Variants in SLC6A4 observed in about 807,000 individuals in gnomAD.
SLC6A4 encodes sodium-dependent serotonin transporter.
Under a neutral mutation model 73.4 loss-of-function variants are expected in SLC6A4, and 22 were observed. The observed-to-expected ratio is 0.30, with a 90% CI of 0.21 to 0.43. The LOEUF is 0.43. Ranked by LOEUF, SLC6A4 falls within the 20% of genes least tolerant of loss-of-function variation. The pLI is 1.00. For missense variants in SLC6A4, 593 were observed against 808.5 expected (o/e 0.73, Z 3.23); for synonymous variants, 270 against 315.5 (o/e 0.86, Z 1.53).
At position 30,229,499 on chromosome 17, in the gene SLC6A4, A is replaced by C. The variant is rs1907022471; in HGVS notation, c.-221+6114T>G. ...AACTAAATTTAAGGAAAGAAGAACA[A>C]GGAGCAGGGAGATCCTTGTACAGAT... On this transcript the variant is annotated intron_variant, in intron 1 of 14. Transcript: ENST00000650711. Among the ~76,000 whole-genome samples the C allele has an allele frequency of 1.3e-5, 2 of 152,140 alleles. 1 individual carries two copies. The highest frequency in any genetic ancestry group is 4.1e-4 in the South Asian group (2 of 4,820).
In SLC6A4 at chr17:30,235,481, C is replaced by T. The variant is rs1231299351; in HGVS notation, c.-221+132G>A. ...CGCAGGGGCAGGATCCGGCGCCCAC[C>T]GCTGGGGCGCATGCACCTCCTCGCC... On this transcript the variant is annotated intron_variant, in intron 1 of 14. Transcript: ENST00000650711. This position sits in a 1 kb window ranked among gnomAD's most constrained non-coding sequence, Gnocchi z 4.5. 6.6e-6 allele frequency: 1 copy of T among 152,256 alleles called. No individual in the cohort carries two copies. The highest frequency in any genetic ancestry group is 1.5e-5 in the Non-Finnish European group (1 of 68,072). The allele number at this position is 152,256 out of a possible 1,614,324, so 9.4% of individuals were successfully genotyped here. A position where few individuals can be genotyped will look rare whatever the true frequency, so the allele number is the denominator to read the frequency against.
Position 30,215,595 on chromosome 17 carries a change from G to A in SLC6A4, c.1076+16C>T, listed in dbSNP as rs754686519. On this transcript the variant is annotated intron_variant, in intron 8 of 14. Coordinates refer to ENST00000650711, the MANE Select transcript of SLC6A4 (RefSeq NM_001045.6). ...ACGCCACTTTCAAGCTTTGCTTGGG[G>A]ACCCCAGATACTCACTGGTAGCAGT... 29 of 1,599,728 alleles carry A rather than the reference G, an allele frequency of 1.8e-5. No individual in the cohort carries two copies. Among genetic ancestry groups the A allele is most frequent in the Non-Finnish European group, 2.3e-5 (27 of 1,166,930 alleles).
chr17:30,217,571 G>A (rs1337320403), intron 5 of SLC6A4, among the ~76,000 whole-genome samples: 2 of 152,170 alleles, frequency 1.3e-5, no homozygotes, highest in African/African-American at 4.8e-5. Flanking sequence ...GAACTCCTTT[G>A]ACCAATGTGA....
intron 8 of SLC6A4, among the ~76,000 whole-genome samples, chr17:30,213,834 C>A (rs1430811683): frequency 6.6e-6 from 1 of 152,092 alleles, no homozygotes; most frequent in Non-Finnish European, 1.5e-5. Context: ...GCAGCCTTAA[C>A]CTCCCGGGCT....
chr17:30,206,718 T>TTTTC (rs1906214674), intron 13 of SLC6A4, among the ~76,000 whole-genome samples: 1 of 136,370 alleles, frequency 7.3e-6, no homozygotes, highest in African/African-American at 2.8e-5. Context: ...TTTTCTTTTT[T>TTTTC]TTTTTTTTTT....
chr17:30,205,686 T>A (rs1471075548), intron 13 of SLC6A4, among the ~76,000 whole-genome samples: 3 of 152,200 alleles, frequency 2.0e-5, no homozygotes, highest in Admixed American at 2.0e-4. Flanking sequence ...ATGTGCTGCT[T>A]GGTGCAAACA....
chr17:30,195,274 T>A lies in SLC6A4; in HGVS notation c.*3182A>T, dbSNP rs1282576447. 1 of 152,460 alleles carries A rather than the reference T, an allele frequency of 6.6e-6. No homozygotes were observed. The highest frequency in any genetic ancestry group is 1.5e-5 in the Non-Finnish European group (1 of 68,254). The allele number at this position is 152,460 out of a possible 1,614,324, so 9.4% of individuals were successfully genotyped here. On this transcript the variant is annotated 3_prime_UTR_variant, in exon 15 of 15. Coordinates refer to ENST00000650711, the MANE Select transcript of SLC6A4 (RefSeq NM_001045.6). ...GAGGGTTTTTTTGTTTTTGTTTTTGTTTTTTAGATGGAGTCTTGCTCTGTC... is the reference window on the plus strand; with the variant it reads ...GAGGGTTTTTTTGTTTTTGTTTTTGATTTTTAGATGGAGTCTTGCTCTGTC...
chr17:30,221,602 C>A lies in SLC6A4; in HGVS notation c.343+14G>T. On this transcript the variant is annotated intron_variant, in intron 3 of 14. Coordinates refer to ENST00000650711, the MANE Select transcript of SLC6A4 (RefSeq NM_001045.6). ...CCTGGGTCACAGCCTCTACTCGCAGCCTGTGATACTGACCCCCTCCATTCT... is the reference window on the plus strand; with the variant it reads ...CCTGGGTCACAGCCTCTACTCGCAGACTGTGATACTGACCCCCTCCATTCT... 18 of 1,602,926 alleles carry A rather than the reference C, an allele frequency of 1.1e-5. No individual in the cohort carries two copies. Among genetic ancestry groups the A allele is most frequent in the Non-Finnish European group, 1.5e-5 (17 of 1,170,998 alleles).
intron 9 of SLC6A4, 141 bp downstream of exon 9, chr17:30,212,599 G>A: frequency 2.2e-6 from 2 of 888,950 alleles, no homozygotes; most frequent in Non-Finnish European, 3.5e-6. Flanking sequence ...GCCCAGGCTG[G>A]TCTTGAACTC....
chr17:30,223,888 G>C (rs189071835), intron 1 of SLC6A4, among the ~76,000 whole-genome samples: 3 of 152,164 alleles, frequency 2.0e-5, no homozygotes, highest in African/African-American at 7.2e-5. Context: ...AACTAGGCTT[G>C]ATAGGCTTTT....
At chr17:30,210,922 C>T (rs1329019959) in intron 10 of SLC6A4, among the ~76,000 whole-genome samples, 1 of 152,116 alleles carries the variant, frequency 6.6e-6, no homozygotes, top group Non-Finnish European at 1.5e-5. Flanking sequence ...TCCGTTTGCA[C>T]CAGAAAGGCC....
Position 30,218,107 on chromosome 17 carries a change from C to G in SLC6A4, c.698+11G>C. The G allele has an allele frequency of 6.2e-7, 1 of 1,611,638 alleles. No individual in the cohort carries two copies. Among genetic ancestry groups the G allele is most frequent in the Non-Finnish European group, 8.5e-7 (1 of 1,177,742 alleles). On this transcript the variant is annotated intron_variant, in intron 5 of 14. Coordinates refer to ENST00000650711, the MANE Select transcript of SLC6A4 (RefSeq NM_001045.6). Reference sequence around the variant, plus strand: ...CCCTAACAGGCCAACCCCTCACTTACGTGCACTTACGTGTAAAATTCTTCA... The same window carrying G: ...CCCTAACAGGCCAACCCCTCACTTAGGTGCACTTACGTGTAAAATTCTTCA...
At chr17:30,230,544 G>A (rs1355962502) in intron 1 of SLC6A4, among the ~76,000 whole-genome samples, 2 of 152,152 alleles carry the variant, frequency 1.3e-5, no homozygotes, top group Non-Finnish European at 2.9e-5. Context: ...GAGAAGAGAG[G>A]AAAAAACAAC....
At chr17:30,214,634 C>CTTTTTTTTTTTTTT (rs753290326) in intron 8 of SLC6A4, among the ~76,000 whole-genome samples, 6 of 132,358 alleles carry the variant, frequency 4.5e-5, no homozygotes, top group Admixed American at 1.5e-4. Flanking sequence ...TTCTTTCTTT[C>CTTTTTTTTTTTTTT]TTTTTTTTTT....
Position 30,203,233 on chromosome 17 carries a change from A to G in SLC6A4, c.1757T>C (p.Phe586Ser). The G allele has an allele frequency of 6.2e-7, 1 of 1,613,954 alleles. No individual in the cohort carries two copies. Among genetic ancestry groups the G allele is most frequent in the Non-Finnish European group, 8.5e-7 (1 of 1,179,804 alleles). The change falls in exon 14 of 15, where the codon TTC becomes TCC. Residue 586 changes from phenylalanine to serine, a missense_variant. Phe to Ser is a radical substitution (Grantham distance 155). Transcript: ENST00000650711. ...AGCTATATATGTGGGGATGCAAATGAAAGATGAGGTTCCTATGCAGTAACC... is the reference window on the plus strand; with the variant it reads ...AGCTATATATGTGGGGATGCAAATGGAAGATGAGGTTCCTATGCAGTAACC... ...ILGYCIGTSS[F>S]ICIPTYIAYR...
chr17:30,229,281 G>A (rs1907017221), intron 1 of SLC6A4, among the ~76,000 whole-genome samples: 1 of 152,142 alleles, frequency 6.6e-6, no homozygotes, highest in South Asian at 2.1e-4. Context: ...TCTGTGAGCT[G>A]GTGGTTTGGA....
chr17:30,203,206 T>C lies in SLC6A4; in HGVS notation c.1784A>G (p.Tyr595Cys). ...SFICIPTYIA[Y>C]RLIITPGTFK... ...TGTCCCTGGAGTGATGATCAACCGA[T>C]AAGCTATATATGTGGGGATGCAAAT... The change falls in exon 14 of 15, where the codon TAT becomes TGT. Residue 595 changes from tyrosine to cysteine, a missense_variant. By Grantham distance (194) the Tyr-to-Cys change is radical. Transcript: ENST00000650711. 2 of 1,613,998 alleles carry C rather than the reference T, an allele frequency of 1.2e-6. No homozygotes were observed. The highest frequency in any genetic ancestry group is 1.7e-6 in the Non-Finnish European group (2 of 1,179,884).
intron 12 of SLC6A4, 39 bp downstream of exon 12, chr17:30,209,104 G>A: frequency 7.1e-7 from 1 of 1,410,462 alleles, no homozygotes; most frequent in Non-Finnish European, 1.0e-6. Context: ...CTGGCTGATG[G>A]TGTAGAAGGG....
At chr17:30,219,070 C>T (rs1222675968) in intron 3 of SLC6A4, 139 bp from the exon 4 acceptor site, 4 of 908,282 alleles carry the variant, frequency 4.4e-6, no homozygotes, top group African/African-American at 1.6e-5. Context: ...TCATGCTGTG[C>T]TCCTCTGGTC....
Sources: gnomAD v4.1 joint callset for allele counts (sites outside exome capture counted in the v4.1 genomes callset) on GRCh38, gnomAD v4.1.1 for gene constraint, Gnocchi (gnomAD v3.1) non-coding constraint, MANE v1.5 for transcripts, NCBI Gene and HGNC (gene_info 2026-07-23, HGNC 2026-07-21) for gene names.